TMEM135: variants seen among roughly 807,000 people sequenced by gnomAD.
The protein encoded by TMEM135 is peroxisomal membrane protein 52.
TMEM135 carries 30 observed loss-of-function variants against 60.3 expected under a neutral mutation model. The ratio of observed to expected loss-of-function variants is 0.50; its 90% CI spans 0.37 to 0.68. The LOEUF (loss-of-function observed/expected upper bound fraction) is 0.68. TMEM135 is among the 30% of genes least tolerant of loss of function. The pLI is 0.00. For missense variants in TMEM135, 468 were observed against 548.8 expected, an observed-to-expected ratio of 0.85 and a Z score of 1.47; for synonymous variants, 190 against 186.7, an observed-to-expected ratio of 1.02 and a Z score of -0.14.
rs1251831821 is a variant in TMEM135 at position 87,244,263 on chromosome 11, T to C, written c.509+7579T>C. Among the ~76,000 whole-genome samples the C allele has an allele frequency of 1.3e-4, 9 of 70,406 alleles. 2 individuals carry two copies. Among genetic ancestry groups the C allele is most frequent in the African/African-American group, 4.7e-4 (8 of 17,026 alleles). 46.2% of individuals were successfully genotyped at this position (70,406 alleles called of 152,430 possible). A position where few individuals can be genotyped will look rare whatever the true frequency, so the allele number is the denominator to read the frequency against. On this transcript the variant is annotated intron_variant, in intron 6 of 14. Transcript: ENST00000305494. ...CTGGATTCGTTTTGCCAGTATTTTA[T>C]TGAGGATTTTTGCATCAATGTTCAT...
At chr11:87,285,823 A>G (rs1363338723) in intron 6 of TMEM135, among the ~76,000 whole-genome samples, 7 of 152,022 alleles carry the variant, frequency 4.6e-5, no homozygotes, top group Admixed American at 3.9e-4. Context: ...CATTTTACAG[A>G]CAGCTGATTG....
chr11:87,195,455 T>G (rs534951844), intron 5 of TMEM135, among the ~76,000 whole-genome samples: 39 of 151,606 alleles, frequency 2.6e-4, no homozygotes, highest in African/African-American at 9.2e-4. Context: ...AGACGGAGTT[T>G]TACTCTTGTT....
intron 1 of TMEM135, among the ~76,000 whole-genome samples, chr11:87,065,611 G>A (rs561665527): frequency 1.3e-5 from 2 of 151,996 alleles, no homozygotes; most frequent in African/African-American, 4.8e-5. Context: ...TTCTCTTCTG[G>A]AGCTTGCCTT....
chr11:87,210,380 A>G (rs1407422100), intron 5 of TMEM135, among the ~76,000 whole-genome samples: 1 of 152,210 alleles, frequency 6.6e-6, no homozygotes. Flanking sequence ...AGACTATTAC[A>G]GATACCTCTA....
chr11:87,320,888 T>C (rs1942807552), intron 14 of TMEM135, among the ~76,000 whole-genome samples: 1 of 152,174 alleles, frequency 6.6e-6, no homozygotes, highest in Admixed American at 6.5e-5. Context: ...TGAACCTAAT[T>C]TTCTATTTGA....
At chr11:87,176,354 T>C (rs952150118) in intron 5 of TMEM135, among the ~76,000 whole-genome samples, 2 of 152,120 alleles carry the variant, frequency 1.3e-5, no homozygotes, top group Admixed American at 1.3e-4. Flanking sequence ...TTGAGGCCCT[T>C]ACCATATGCA....
At chr11:87,083,541 T>C (rs1025101882) in intron 3 of TMEM135, among the ~76,000 whole-genome samples, 5 of 152,334 alleles carry the variant, frequency 3.3e-5, no homozygotes, top group African/African-American at 9.6e-5. Flanking sequence ...ATAGTACTTA[T>C]GAAACTCCAA....
chr11:87,199,018 C>T (rs1378751157), intron 5 of TMEM135, among the ~76,000 whole-genome samples: 3 of 152,164 alleles, frequency 2.0e-5, no homozygotes, highest in Admixed American at 6.5e-5. Flanking sequence ...AGCATCTTAG[C>T]TTTAGAAAAT....
At chr11:87,151,291 A>AT (rs1376590412) in intron 4 of TMEM135, among the ~76,000 whole-genome samples, 6 of 151,958 alleles carry the variant, frequency 3.9e-5, no homozygotes, top group Non-Finnish European at 7.4e-5. Flanking sequence ...TTTATTTGGA[A>AT]TTTTTTTACT....
intron 5 of TMEM135, among the ~76,000 whole-genome samples, chr11:87,168,754 T>C (rs1336050895): frequency 1.3e-5 from 2 of 152,196 alleles, no homozygotes; most frequent in African/African-American, 2.4e-5. Context: ...AGAAGTTCTA[T>C]GTGGTGCTGA....
intron 5 of TMEM135, among the ~76,000 whole-genome samples, chr11:87,202,007 T>TATGTTATGTTATGTTATGTA (rs1555117415): frequency 1.9e-4 from 12 of 63,596 alleles, no homozygotes; most frequent in Non-Finnish European, 3.5e-4. Flanking sequence ...TATGTTATGT[T>TATGTTATGTTATGTTATGTA]ATGTAATGTT....
intron 4 of TMEM135, among the ~76,000 whole-genome samples, chr11:87,120,674 G>A (rs1353551250): frequency 6.6e-6 from 1 of 151,732 alleles, no homozygotes; most frequent in Non-Finnish European, 1.5e-5. Context: ...CACCGTGTTG[G>A]CCAGGATGGT....
chr11:87,058,254 G>A (rs1949912126), intron 1 of TMEM135, among the ~76,000 whole-genome samples: 1 of 152,170 alleles, frequency 6.6e-6, no homozygotes, highest in Non-Finnish European at 1.5e-5. Flanking sequence ...CCTTGGCCCA[G>A]TTAGATTGAT....
chr11:87,123,265 T>C (rs565053118), intron 4 of TMEM135, among the ~76,000 whole-genome samples: 1 of 115,462 alleles, frequency 8.7e-6, no homozygotes, highest in Non-Finnish European at 1.9e-5. Flanking sequence ...TTGGCAGAGC[T>C]ATGCTCCTGA....
At chr11:87,245,138 A>C (rs894227268) in intron 6 of TMEM135, among the ~76,000 whole-genome samples, 1 of 144,190 alleles carries the variant, frequency 6.9e-6, no homozygotes, top group Non-Finnish European at 1.5e-5. Context: ...CAGGTTGTTC[A>C]GTTTCCATGT....
intron 5 of TMEM135, among the ~76,000 whole-genome samples, chr11:87,176,648 T>G (rs1939376390): frequency 6.6e-6 from 1 of 152,132 alleles, no homozygotes; most frequent in Admixed American, 6.6e-5. Context: ...AGGATTGAAG[T>G]CCATGGGAAA....
intron 1 of TMEM135, among the ~76,000 whole-genome samples, chr11:87,053,418 A>G (rs1240822101): frequency 1.3e-5 from 2 of 152,126 alleles, no homozygotes; most frequent in Non-Finnish European, 2.9e-5. Flanking sequence ...AAAATGTGGT[A>G]AGACCTTGAC....
intron 5 of TMEM135, among the ~76,000 whole-genome samples, chr11:87,181,261 C>T (rs1445292558): frequency 6.6e-6 from 1 of 151,712 alleles, no homozygotes; most frequent in Non-Finnish European, 1.5e-5. Context: ...GAAGAAAGGG[C>T]AATAGAAATT....
At chr11:87,184,204 G>A (rs1016494899) in intron 5 of TMEM135, among the ~76,000 whole-genome samples, 1 of 152,064 alleles carries the variant, frequency 6.6e-6, no homozygotes, top group African/African-American at 2.4e-5. Context: ...ATCCAAAGAA[G>A]TCATCAAAAA....
Sources: gnomAD v4.1 joint callset for allele counts (sites outside exome capture counted in the v4.1 genomes callset) on GRCh38, gnomAD v4.1.1 for gene constraint, MANE v1.5 for transcripts, NCBI Gene and HGNC (gene_info 2026-07-23, HGNC 2026-07-21) for gene names.